Variants in TSHZ2 observed in about 807,000 individuals in gnomAD.
TSHZ2 encodes the protein teashirt zinc finger homeobox 2.
Under a neutral mutation model 74.4 loss-of-function variants are expected in TSHZ2, and 21 were observed. The observed-to-expected ratio is 0.28, with a 90% CI of 0.20 to 0.41. TSHZ2 has a LOEUF of 0.41. Ranked by LOEUF, TSHZ2 falls within the 10% of genes least tolerant of loss-of-function variation. The pLI, the probability that TSHZ2 is intolerant of heterozygous loss-of-function variation, is 1.00. For synonymous variants in TSHZ2, 540 were observed against 515.3 expected (o/e 1.05, Z -0.65); for missense variants, 1,244 against 1,293.5 (o/e 0.96, Z 0.59).
chr20:53,240,200 C>T (rs1990033261), intron 1 of TSHZ2, among the ~76,000 whole-genome samples: 1 of 152,112 alleles, frequency 6.6e-6, no homozygotes, highest in Non-Finnish European at 1.5e-5. Context: ...ACTTTCTTAA[C>T]CATCAAATCA....
intron 1 of TSHZ2, among the ~76,000 whole-genome samples, chr20:53,036,048 A>C (rs1983806420): frequency 6.6e-6 from 1 of 152,210 alleles, no homozygotes; most frequent in Admixed American, 6.5e-5. Flanking sequence ...CCATATTACC[A>C]AGTAAAATTT....
chr20:53,196,332 A>G (rs1988864859), intron 1 of TSHZ2: 1 of 149,358 alleles, frequency 6.7e-6, no homozygotes. Flanking sequence ...TCAGGCCAAG[A>G]GACAACATCC....
intron 1 of TSHZ2, among the ~76,000 whole-genome samples, chr20:52,986,166 C>T (rs1200476475): frequency 2.7e-5 from 4 of 149,240 alleles, no homozygotes; most frequent in Admixed American, 6.7e-5. Flanking sequence ...CCTAGGCAGG[C>T]GGATCACGAG....
At chr20:53,463,231 A>C (rs1194968172) in intron 2 of TSHZ2, among the ~76,000 whole-genome samples, 1 of 152,102 alleles carries the variant, frequency 6.6e-6, no homozygotes. Flanking sequence ...CTATCTAGAA[A>C]TGCAGTTTTA....
chr20:53,229,383 G>C (rs935689013), intron 1 of TSHZ2, among the ~76,000 whole-genome samples: 22 of 152,130 alleles, frequency 1.4e-4, no homozygotes, highest in African/African-American at 5.3e-4. Flanking sequence ...CGCTCACAGA[G>C]AGCAAAAGCA....
chr20:53,415,824 A>G (rs57442463), intron 2 of TSHZ2, among the ~76,000 whole-genome samples: 78,651 of 115,836 alleles, frequency 0.68, 23,192 homozygotes, highest in Non-Finnish European at 0.76. Flanking sequence ...ACACACACGC[A>G]CACACAGGCA....
chr20:53,382,940 T>C (rs956382785), intron 2 of TSHZ2, among the ~76,000 whole-genome samples: 1 of 152,190 alleles, frequency 6.6e-6, no homozygotes, highest in Non-Finnish European at 1.5e-5. Context: ...ATCCCTCTTT[T>C]ACAGGGCTTT....
chr20:53,150,082 C>T (rs1987639877), intron 1 of TSHZ2, among the ~76,000 whole-genome samples: 1 of 152,236 alleles, frequency 6.6e-6, no homozygotes, highest in Admixed American at 6.5e-5. Context: ...TTATACACCT[C>T]ACTGTAATCT....
intron 1 of TSHZ2, among the ~76,000 whole-genome samples, chr20:53,013,210 C>CTACT (rs1982918981): frequency 6.6e-6 from 1 of 152,084 alleles, no homozygotes; most frequent in African/African-American, 2.4e-5. Flanking sequence ...TTTGAGTCAC[C>CTACT]TACTCCCAGG....
intron 1 of TSHZ2, among the ~76,000 whole-genome samples, chr20:53,239,491 GC>G (rs1438461435): frequency 2.0e-5 from 3 of 152,102 alleles, no homozygotes; most frequent in Non-Finnish European, 2.9e-5. Context: ...AACACTCATA[GC>G]CCCCTTGTTC....
chr20:53,299,626 G>A (rs1274159212), intron 2 of TSHZ2, among the ~76,000 whole-genome samples: 1 of 152,118 alleles, frequency 6.6e-6, no homozygotes, highest in Non-Finnish European at 1.5e-5. Flanking sequence ...AGTCAATATG[G>A]CTTCACCATA....
At chr20:53,101,256 T>C (rs1005029790) in intron 1 of TSHZ2, among the ~76,000 whole-genome samples, 1 of 152,236 alleles carries the variant, frequency 6.6e-6, no homozygotes, top group Non-Finnish European at 1.5e-5. Flanking sequence ...TGATCAACTT[T>C]TAGGTTAATA....
At chr20:53,185,604 A>C in intron 1 of TSHZ2, 1 of 1,533,426 alleles carries the variant, frequency 6.5e-7, no homozygotes, top group South Asian at 1.2e-5. Context: ...GGGGATACAG[A>C]GCAAGACTCC....
intron 1 of TSHZ2, among the ~76,000 whole-genome samples, chr20:53,096,650 A>AG (rs1277866326): frequency 2.6e-5 from 4 of 151,930 alleles, no homozygotes; most frequent in Non-Finnish European, 4.4e-5. Flanking sequence ...TGGGAGGCCG[A>AG]GGGGGGTGGA....
chr20:53,351,778 G>A lies in TSHZ2; in HGVS notation c.*8+95207G>A, dbSNP rs577263961. On this transcript the variant is annotated intron_variant, in intron 2 of 2. Transcript: ENST00000371497. ...AAAATCAAAGCTTCTTCCCCAGGTG[G>A]TAGCAAAAACAGACATCTTCCTCAA... 5.9e-5 allele frequency among the ~76,000 whole-genome samples: 9 copies of A among 152,298 alleles called. 1 individual carries two copies. In the East Asian group the frequency reaches 1.7e-3, roughly 29 times the overall value.
chr20:53,261,249 T>G (rs1990594904), intron 2 of TSHZ2, among the ~76,000 whole-genome samples: 1 of 152,164 alleles, frequency 6.6e-6, no homozygotes, highest in African/African-American at 2.4e-5. Context: ...TTCCTGGGCC[T>G]TTTGGAGGCT....
At chr20:53,037,004 G>C (rs1482683497) in intron 1 of TSHZ2, among the ~76,000 whole-genome samples, 1 of 151,882 alleles carries the variant, frequency 6.6e-6, no homozygotes, top group Non-Finnish European at 1.5e-5. Flanking sequence ...TGATAGTATT[G>C]TATTTAATTA....
chr20:53,313,625 G>A (rs563120000), intron 2 of TSHZ2, among the ~76,000 whole-genome samples: 1 of 152,310 alleles, frequency 6.6e-6, no homozygotes, highest in Admixed American at 6.5e-5. Context: ...CTATGGAATA[G>A]GAAGGTAAAG....
At chr20:53,135,388 C>T (rs1987220242) in intron 1 of TSHZ2, among the ~76,000 whole-genome samples, 2 of 152,104 alleles carry the variant, frequency 1.3e-5, no homozygotes, top group African/African-American at 4.8e-5. Context: ...TAGATAGAAG[C>T]CCGCAGTAAT....
Sources: gnomAD v4.1 joint callset for allele counts (sites outside exome capture counted in the v4.1 genomes callset) on GRCh38, gnomAD v4.1.1 for gene constraint, MANE v1.5 for transcripts, NCBI Gene and HGNC (gene_info 2026-07-23, HGNC 2026-07-21) for gene names.